NEK11: variants seen among roughly 807,000 people sequenced by gnomAD.
NEK11 encodes NIMA related kinase 11.
In NEK11, 72 loss-of-function variants were observed where a neutral mutation model predicts 80.7. The ratio of observed to expected loss-of-function variants is 0.89; its 90% confidence interval spans 0.74 to 1.08. The LOEUF is 1.08. Ranked by LOEUF, NEK11 falls within the 50% of genes least tolerant of loss-of-function variation. The probability of loss-of-function intolerance (pLI) is 0.00; values close to 1 mark genes in which losing one functional copy is unlikely to be tolerated. For missense variants in NEK11, 764 were observed against 763.6 expected (o/e 1.00, Z -0.01); for synonymous variants, 251 against 260.7 (o/e 0.96, Z 0.36).
chr3:131,132,568 T>C (rs569872130), intron 5 of NEK11, among the ~76,000 whole-genome samples, 177 bp from the exon 6 acceptor site: 3 of 152,218 alleles, frequency 2.0e-5, no homozygotes, highest in African/African-American at 7.2e-5. Context: ...TTAAAACTTT[T>C]GTTTCCTCAG....
At chr3:131,243,564 A>T (rs553098373) in intron 16 of NEK11, 68 bp downstream of exon 16, 19 of 1,351,646 alleles carry the variant, frequency 1.4e-5, no homozygotes, top group African/African-American at 2.9e-5. Context: ...AACTTGGAAG[A>T]AATCTTACAG....
intron 17 of NEK11, among the ~76,000 whole-genome samples, chr3:131,335,931 AAGG>A (rs2097175129): frequency 6.6e-6 from 1 of 152,130 alleles, no homozygotes; most frequent in African/African-American, 2.4e-5. Flanking sequence ...GGACCTCTTC[AAGG>A]AGAACTACAA....
At chr3:131,116,160 G>A (rs1315145260) in intron 5 of NEK11, among the ~76,000 whole-genome samples, 1 of 151,740 alleles carries the variant, frequency 6.6e-6, no homozygotes, top group African/African-American at 2.4e-5. Context: ...AGTGTGTGAT[G>A]TTCCCCACCT....
intron 4 of NEK11, among the ~76,000 whole-genome samples, chr3:131,099,257 GC>G (rs1192173008): frequency 6.6e-6 from 1 of 152,116 alleles, no homozygotes; most frequent in Non-Finnish European, 1.5e-5. Context: ...GTTTTTGTTG[GC>G]CTAGTCAGAG....
At chr3:131,232,727 T>C (rs1341562988) in intron 15 of NEK11, among the ~76,000 whole-genome samples, 1 of 152,200 alleles carries the variant, frequency 6.6e-6, no homozygotes, top group Admixed American at 6.5e-5. Flanking sequence ...TGAGGACCCT[T>C]GGATCTGATT....
At chr3:131,311,756 A>G (rs2109428368) in intron 17 of NEK11, among the ~76,000 whole-genome samples, 1 of 152,332 alleles carries the variant, frequency 6.6e-6, no homozygotes, top group East Asian at 1.9e-4. Flanking sequence ...TGAAAGGAAT[A>G]TGTTTGAAGA....
intron 4 of NEK11, among the ~76,000 whole-genome samples, chr3:131,101,312 G>GTCCAAAGTTAAATAGT (rs1238355909): frequency 3.3e-5 from 5 of 151,596 alleles, no homozygotes; most frequent in Non-Finnish European, 7.4e-5. Flanking sequence ...GTTCCTTTAC[G>GTCCAAAGTTAAATAGT]TCCAAAGTTA....
chr3:131,148,141 C>T (rs775384163), intron 7 of NEK11, among the ~76,000 whole-genome samples: 1 of 151,560 alleles, frequency 6.6e-6, no homozygotes, highest in Admixed American at 6.6e-5. Context: ...AATTTTTCAA[C>T]TTTTTTCTAT....
chr3:131,178,830 G>A (rs149824203), intron 14 of NEK11, among the ~76,000 whole-genome samples: 2,240 of 152,242 alleles, frequency 0.015, 37 homozygotes, highest in Non-Finnish European at 0.023. Context: ...TTTACACTGC[G>A]TCACTAGGTA....
Position 131,154,717 on chromosome 3 carries a change from C to T in NEK11, c.877-319C>T, listed in dbSNP as rs563322078. Among the ~76,000 whole-genome samples, 4 of 152,112 alleles carry T rather than the reference C, an allele frequency of 2.6e-5. No homozygotes were observed. The South Asian group carries it at 6.2e-4, about 24-fold the overall frequency. On this transcript the variant is annotated intron_variant, in intron 9 of 17. Coordinates refer to ENST00000383366, the MANE Select transcript of NEK11 (RefSeq NM_024800.5). ...TGGCCCTGGGAGTGTAGATACTGTC[C>T]TCTACAGTCTGGGAGGTTGGAAAAA...
At chr3:131,266,848 G>A (rs1486465359) in intron 16 of NEK11, among the ~76,000 whole-genome samples, 3 of 151,996 alleles carry the variant, frequency 2.0e-5, no homozygotes, top group Admixed American at 2.0e-4. Context: ...GTCTCTGAGG[G>A]CTTGCTTTAT....
At chr3:131,322,883 A>C (rs1276159066) in intron 17 of NEK11, among the ~76,000 whole-genome samples, 1 of 152,122 alleles carries the variant, frequency 6.6e-6, no homozygotes, top group Non-Finnish European at 1.5e-5. Flanking sequence ...GTAAAATGGG[A>C]TTAACAAACC....
intron 17 of NEK11, among the ~76,000 whole-genome samples, chr3:131,287,158 G>A (rs747109692): frequency 1.3e-5 from 2 of 152,234 alleles, no homozygotes; most frequent in Non-Finnish European, 2.9e-5. Context: ...TGCAGCCAAG[G>A]ATTGTTCAGC....
chr3:131,211,195 T>C (rs546086531), intron 14 of NEK11, among the ~76,000 whole-genome samples: 3 of 152,326 alleles, frequency 2.0e-5, no homozygotes, highest in Non-Finnish European at 4.4e-5. Flanking sequence ...CAGCATTTGC[T>C]TGTCTGTAAA....
intron 5 of NEK11, among the ~76,000 whole-genome samples, chr3:131,123,348 G>C (rs1177204880): frequency 6.6e-6 from 1 of 152,044 alleles, no homozygotes; most frequent in Non-Finnish European, 1.5e-5. Flanking sequence ...TGTATTTTTA[G>C]TAGAGATGGG....
At chr3:131,210,223 G>T (rs2094568090) in intron 14 of NEK11, among the ~76,000 whole-genome samples, 1 of 152,126 alleles carries the variant, frequency 6.6e-6, no homozygotes, top group African/African-American at 2.4e-5. Flanking sequence ...CTTTATTTCT[G>T]CCTTCATTTT....
chr3:131,279,411 C>T (rs1043492508), intron 17 of NEK11, among the ~76,000 whole-genome samples: 2 of 152,132 alleles, frequency 1.3e-5, no homozygotes, highest in Non-Finnish European at 1.5e-5. Flanking sequence ...AATTTACATG[C>T]AGCAAAACTC....
intron 16 of NEK11, among the ~76,000 whole-genome samples, chr3:131,263,498 T>C (rs1279093034): frequency 6.6e-6 from 1 of 152,236 alleles, no homozygotes; most frequent in African/African-American, 2.4e-5. Context: ...AGTCAGGTAG[T>C]GTGATGCCTC....
chr3:131,137,228 A>G lies in NEK11; in HGVS notation c.647+3272A>G, dbSNP rs142781860. ...TTCATGATCTTGGGGCAGAAGTGTC[A>G]TGCAAGGATTAGCTGTGAGTAGAAG... is the stretch of plus-strand genomic sequence containing the variant. On this transcript the variant is annotated intron_variant, in intron 7 of 17. Coordinates refer to ENST00000383366, the MANE Select transcript of NEK11 (RefSeq NM_024800.5). Among the ~76,000 whole-genome samples, 42 of 152,330 alleles carry G rather than the reference A, an allele frequency of 2.8e-4. No individual in the cohort carries two copies. In the South Asian group the frequency reaches 7.9e-3, roughly 29 times the overall value.
Sources: gnomAD v4.1 joint callset for allele counts (sites outside exome capture counted in the v4.1 genomes callset) on GRCh38, gnomAD v4.1.1 for gene constraint, MANE v1.5 for transcripts, NCBI Gene and HGNC (gene_info 2026-07-23, HGNC 2026-07-21) for gene names.